KMT2C: variants seen among roughly 807,000 people sequenced by gnomAD.
KMT2C encodes the protein histone-lysine N-methyltransferase 2C.
KMT2C carries 88 observed loss-of-function variants against 507.9 expected under a neutral mutation model. The observed-to-expected ratio is 0.17, with a 90% CI of 0.15 to 0.21. The LOEUF (loss-of-function observed/expected upper bound fraction) is 0.21, where lower values mean the gene tolerates loss of function less well. KMT2C is among the 10% of genes least tolerant of loss of function. The pLI is 1.00. For synonymous variants in KMT2C, 2,049 were observed against 2,080.8 expected, an observed-to-expected ratio of 0.98 and a Z score of 0.42; for missense variants, 4,954 against 5,957.8, an observed-to-expected ratio of 0.83 and a Z score of 5.55.
intron 1 of KMT2C, among the ~76,000 whole-genome samples, chr7:152,399,950 T>C (rs1432419583): frequency 2.6e-5 from 4 of 151,038 alleles, no homozygotes; most frequent in Non-Finnish European, 1.5e-5. Flanking sequence ...GACAAAAATA[T>C]TGGGGAGGAT....
chr7:152,238,818 C>A lies in KMT2C; in HGVS notation c.2541G>T (p.Trp847Cys). ...GTGGGCTCACTGTATTATGGGTACTCCAAGCCCCCTAGGATATGGCAGTTG... is the reference window on the plus strand; with the variant it reads ...GTGGGCTCACTGTATTATGGGTACTACAAGCCCCCTAGGATATGGCAGTTG... ...PGRPRSKQGAWSTHNTVSPPS... is the reference protein window; with the variant it reads ...PGRPRSKQGACSTHNTVSPPS... The change falls in exon 15 of 59, where the codon TGG becomes TGT. Residue 847 changes from tryptophan to cysteine, a missense_variant. By Grantham distance (215) the Trp-to-Cys change is radical (BLOSUM62 -2). Transcript: ENST00000262189. 1 of 1,601,250 alleles carries A rather than the reference C, an allele frequency of 6.2e-7. No individual in the cohort carries two copies.
chr7:152,362,066 G>T (rs1391839606), intron 1 of KMT2C, among the ~76,000 whole-genome samples: 2 of 152,098 alleles, frequency 1.3e-5, no homozygotes, highest in Non-Finnish European at 2.9e-5. Context: ...CTACATTCTA[G>T]TGAGAAGAGA....
At chr7:152,323,835 G>T (rs1192603775) in intron 3 of KMT2C, among the ~76,000 whole-genome samples, 1 of 148,972 alleles carries the variant, frequency 6.7e-6, no homozygotes, top group Non-Finnish European at 1.5e-5. Flanking sequence ...AAGGAAGAGT[G>T]GGGAGAGAGA....
At chr7:152,224,804 G>A (rs2094878497) in intron 18 of KMT2C, among the ~76,000 whole-genome samples, 188 bp from the exon 19 acceptor site, 1 of 152,132 alleles carries the variant, frequency 6.6e-6, no homozygotes, top group Non-Finnish European at 1.5e-5. Context: ...GAAGCCTACT[G>A]AGCAGAATAA....
chr7:152,180,521 G>A (rs1430988795), intron 36 of KMT2C, among the ~76,000 whole-genome samples, 190 bp downstream of exon 36: 4 of 152,114 alleles, frequency 2.6e-5, no homozygotes, highest in Non-Finnish European at 4.4e-5. Flanking sequence ...CGTGAAAACT[G>A]AAATCAGATA....
intron 1 of KMT2C, among the ~76,000 whole-genome samples, chr7:152,361,674 G>A (rs989101334): frequency 6.6e-6 from 1 of 151,922 alleles, no homozygotes; most frequent in African/African-American, 2.4e-5. Flanking sequence ...GGCAGAAAAG[G>A]AATGAAAACA....
At position 152,281,737 on chromosome 7, in the gene KMT2C, C is replaced by CA. The variant is rs1267534055; in HGVS notation, c.850-7871dup. ...ACAGAGTGAGACTCCATCTCAAAAA[C>CA]AAAAACAAAAAAAAAAAGAAATTAC... On this transcript the variant is annotated intron_variant, in intron 6 of 58. Transcript: ENST00000262189. 2.0e-5 allele frequency among the ~76,000 whole-genome samples: 3 copies of CA among 147,510 alleles called. No homozygotes were observed. The East Asian group carries it at 5.9e-4, about 29-fold the overall frequency.
intron 1 of KMT2C, among the ~76,000 whole-genome samples, chr7:152,391,142 C>CAAAAAAAAAAAAAAAAAA (rs1195125465): frequency 2.9e-5 from 1 of 34,764 alleles, no homozygotes; most frequent in African/African-American, 1.0e-4. Flanking sequence ...AGACTGTCTC[C>CAAAAAAAAAAAAAAAAAA]AAAAAAAAAA....
At position 152,153,113 on chromosome 7, in the gene KMT2C, T is replaced by A. The variant is rs570999937; in HGVS notation, c.12277-159A>T. On this transcript the variant is annotated intron_variant, in intron 48 of 58. Transcript: ENST00000262189. ...ACTTAAAGAACCTCAGGAAAAAAAT[T>A]AGCTCTAACGAACTAATATCCAAAA... Among the ~76,000 whole-genome samples the A allele has an allele frequency of 1.2e-3, 186 of 152,204 alleles. No individual in the cohort carries two copies. The highest frequency in any genetic ancestry group is 4.4e-3 in the African/African-American group (183 of 41,504).
chr7:152,198,234 C>A (rs1016883912), intron 27 of KMT2C, among the ~76,000 whole-genome samples: 1 of 152,104 alleles, frequency 6.6e-6, no homozygotes, highest in Non-Finnish European at 1.5e-5. Flanking sequence ...ACCTCACTAC[C>A]AACAATGAGG....
intron 49 of KMT2C, 100 bp from the exon 50 acceptor site, chr7:152,151,681 C>A: frequency 1.2e-6 from 1 of 825,788 alleles, no homozygotes; most frequent in Non-Finnish European, 1.8e-6. Context: ...CAACATGGTT[C>A]ATTAACATTA....
intron 2 of KMT2C, among the ~76,000 whole-genome samples, chr7:152,342,696 G>T (rs2097008393): frequency 6.6e-6 from 1 of 152,176 alleles, no homozygotes; most frequent in Non-Finnish European, 1.5e-5. Flanking sequence ...GAGGGACCCA[G>T]TCATCGTGGG....
At chr7:152,194,649 A>G in intron 28 of KMT2C, 81 bp from the exon 29 acceptor site, 2 of 983,236 alleles carry the variant, frequency 2.0e-6, no homozygotes, top group South Asian at 1.6e-5. Flanking sequence ...ACCTGTACTT[A>G]GTATATAACA....
chr7:152,142,005 C>G (rs1182269026), intron 55 of KMT2C, among the ~76,000 whole-genome samples: 2 of 152,232 alleles, frequency 1.3e-5, no homozygotes. Context: ...CTGGGCGACA[C>G]AGTGAGACCC....
chr7:152,414,100 C>T (rs2097709612), intron 1 of KMT2C, among the ~76,000 whole-genome samples: 1 of 151,392 alleles, frequency 6.6e-6, no homozygotes, highest in African/African-American at 2.4e-5. Context: ...ATCCCAGCTA[C>T]TCAGGAGACT....
At position 152,194,103 on chromosome 7, in the gene KMT2C, G is replaced by A; in HGVS notation, c.4566C>T (p.Asp1522=). Residue 1522 remains aspartate (D), a synonymous_variant, in exon 31 of 59, where the codon GAC becomes GAT. Transcript: ENST00000262189. ...IPELGGKDVE[D]LFTAVLSPAN... is the part of the protein sequence containing the mutation. ...CAGGACTAAGTACAGCTGTAAATAAGTCTTCAACATCTTTTCCGCCAAGCT... is the reference window on the plus strand; with the variant it reads ...CAGGACTAAGTACAGCTGTAAATAAATCTTCAACATCTTTTCCGCCAAGCT... The A allele has an allele frequency of 6.3e-7, 1 of 1,581,316 alleles. No homozygotes were observed. Among genetic ancestry groups the A allele is most frequent in the Non-Finnish European group, 8.6e-7 (1 of 1,169,368 alleles).
At chr7:152,337,232 C>T (rs572611667) in intron 2 of KMT2C, among the ~76,000 whole-genome samples, 13 of 152,306 alleles carry the variant, frequency 8.5e-5, no homozygotes, top group South Asian at 2.1e-4. Context: ...GATCACACCA[C>T]TGCACTCCAT....
chr7:152,189,454 C>G (rs773977691), intron 31 of KMT2C, among the ~76,000 whole-genome samples: 1 of 152,122 alleles, frequency 6.6e-6, no homozygotes, highest in Non-Finnish European at 1.5e-5. Context: ...CTTGGTATAA[C>G]TAGAGAATTC....
At chr7:152,302,307 T>C (rs1293689443) in intron 6 of KMT2C, among the ~76,000 whole-genome samples, 1 of 152,196 alleles carries the variant, frequency 6.6e-6, no homozygotes, top group Non-Finnish European at 1.5e-5. Flanking sequence ...CACTGCAATC[T>C]CTGCCTCCAG....
Sources: allele counts gnomAD v4.1 joint callset (sites outside exome capture counted in the v4.1 genomes callset), GRCh38; gene constraint gnomAD v4.1.1; transcripts MANE v1.5; gene names NCBI Gene and HGNC (gene_info 2026-07-23, HGNC 2026-07-21).